Variants in ACAP2 observed in about 807,000 individuals in gnomAD.
The protein encoded by ACAP2 is ArfGAP with coiled-coil, ankyrin repeat and PH domains 2, also known as arf-GAP with coiled-coil, ANK repeat and PH domain-containing protein 2.
In ACAP2, 39 loss-of-function variants were observed where a neutral mutation model predicts 115.8. The ratio of observed to expected loss-of-function variants is 0.34; its 90% CI spans 0.26 to 0.44. ACAP2 has a LOEUF of 0.44. Ranked by LOEUF, ACAP2 falls within the 20% of genes least tolerant of loss-of-function variation. The pLI is 1.00. For missense variants in ACAP2, 662 were observed against 927.6 expected (o/e 0.71, Z 3.72); for synonymous variants, 289 against 315.8 (o/e 0.92, Z 0.90).
rs576255760 is a variant in ACAP2, at chr3:195,442,977, G to T, written c.-130C>A. On this transcript the variant is annotated 5_prime_UTR_variant, in exon 1 of 23. Transcript: ENST00000326793. The stretch of plus-strand genomic sequence containing the variant: ...TGCGCGGAGCTGCGAAGGGCGCCTC[G>T]CCCGCTGGTCATAGCAGCCGCGAAG... 1.1e-3 allele frequency: 903 copies of T among 795,230 alleles called. 1 individual carries two copies. The highest frequency in any genetic ancestry group is 1.4e-3 in the Non-Finnish European group (759 of 542,734). 49.3% of individuals were successfully genotyped at this position (795,230 alleles called of 1,614,324 possible). A position where few individuals can be genotyped will look rare whatever the true frequency, so the allele number is the denominator to read the frequency against.
At chr3:195,402,332 C>T (rs557523312) in intron 1 of ACAP2, among the ~76,000 whole-genome samples, 1 of 152,144 alleles carries the variant, frequency 6.6e-6, no homozygotes, top group East Asian at 1.9e-4. Flanking sequence ...CTTGCTCCAG[C>T]CTTGTGATTC....
chr3:195,339,224 C>T (rs1730713655), intron 6 of ACAP2, among the ~76,000 whole-genome samples: 1 of 152,074 alleles, frequency 6.6e-6, no homozygotes, highest in Admixed American at 6.5e-5. Flanking sequence ...CAGCAAGACT[C>T]CTTCTCAAAA....
At chr3:195,439,191 C>CTTTTTT (rs3072388) in intron 1 of ACAP2, among the ~76,000 whole-genome samples, 1 of 133,278 alleles carries the variant, frequency 7.5e-6, no homozygotes, top group Non-Finnish European at 1.6e-5. Context: ...AGGCTAAGGC[C>CTTTTTT]TTTTTTTTTT....
chr3:195,343,560 G>A (rs1366373068), intron 5 of ACAP2, among the ~76,000 whole-genome samples: 1 of 152,132 alleles, frequency 6.6e-6, no homozygotes, highest in African/African-American at 2.4e-5. Context: ...TCAAGCAGCT[G>A]GGACGACAGG....
intron 5 of ACAP2, among the ~76,000 whole-genome samples, chr3:195,344,690 T>C (rs1460532993): frequency 6.6e-6 from 1 of 152,038 alleles, no homozygotes; most frequent in Non-Finnish European, 1.5e-5. Flanking sequence ...CCCGCTAATT[T>C]TGTATTTTTA....
At chr3:195,314,196 GTTGT>G (rs1223379151) in intron 10 of ACAP2, among the ~76,000 whole-genome samples, 1 of 112,154 alleles carries the variant, frequency 8.9e-6, no homozygotes, top group African/African-American at 3.5e-5. Flanking sequence ...AGAAAATTTT[GTTGT>G]TTTTTTTTTT....
intron 17 of ACAP2, 58 bp from the exon 18 acceptor site, chr3:195,294,869 C>T: frequency 8.8e-7 from 1 of 1,135,788 alleles, no homozygotes. Flanking sequence ...AAAACAATCT[C>T]CCACAAACAA....
chr3:195,390,843 TTAAAGAGAAACATG>T (rs1734622144), intron 2 of ACAP2, among the ~76,000 whole-genome samples: 1 of 152,168 alleles, frequency 6.6e-6, no homozygotes, highest in Non-Finnish European at 1.5e-5. Flanking sequence ...CTCCAGAAAT[TTAAAGAGAAACATG>T]TAAATGAGCA....
At chr3:195,374,613 G>A (rs1180227574) in intron 4 of ACAP2, among the ~76,000 whole-genome samples, 1 of 152,200 alleles carries the variant, frequency 6.6e-6, no homozygotes, top group East Asian at 1.9e-4. Flanking sequence ...TATATAGGCA[G>A]TTTCTCGTCA....
chr3:195,381,856 T>A, intron 3 of ACAP2, 47 bp downstream of exon 3: 3 of 1,561,828 alleles, frequency 1.9e-6, no homozygotes, highest in Non-Finnish European at 2.6e-6. Flanking sequence ...TTTAATGTCT[T>A]ATTGCTTTTT....
In ACAP2 at chr3:195,277,053, G is replaced by A. The variant is rs1726210312; in HGVS notation, c.*2275C>T. ...TTAACAATTCATCACGTAAGCCACAGGAGGCAAGAGTCTCATAAGGAATTG... is the reference window on the plus strand; with the variant it reads ...TTAACAATTCATCACGTAAGCCACAAGAGGCAAGAGTCTCATAAGGAATTG... On this transcript the variant is annotated 3_prime_UTR_variant, in exon 23 of 23. Coordinates refer to ENST00000326793, the MANE Select transcript of ACAP2 (RefSeq NM_012287.6). The A allele has an allele frequency of 6.6e-6, 1 of 152,100 alleles. No individual in the cohort carries two copies. Among genetic ancestry groups the A allele is most frequent in the Non-Finnish European group, 1.5e-5 (1 of 68,018 alleles). 9.4% of individuals were successfully genotyped at this position (152,100 alleles called of 1,614,324 possible).
intron 1 of ACAP2, among the ~76,000 whole-genome samples, chr3:195,406,514 A>G (rs1364755436): frequency 2.6e-5 from 4 of 152,174 alleles, no homozygotes; most frequent in African/African-American, 9.7e-5. Flanking sequence ...TAAATAACAG[A>G]AAACTATTCA....
At chr3:195,427,106 T>C (rs1295782227) in intron 1 of ACAP2, among the ~76,000 whole-genome samples, 1 of 151,950 alleles carries the variant, frequency 6.6e-6, no homozygotes, top group Non-Finnish European at 1.5e-5. Context: ...AAGAGGAGGA[T>C]AGAAGAGGGA....
intron 9 of ACAP2, chr3:195,325,381 G>C: frequency 2.4e-6 from 1 of 423,372 alleles, no homozygotes; most frequent in Non-Finnish European, 4.6e-6. Context: ...ATAACTACAG[G>C]AGACATACTT....
chr3:195,386,029 G>C (rs2108760670), intron 2 of ACAP2, among the ~76,000 whole-genome samples: 1 of 152,222 alleles, frequency 6.6e-6, no homozygotes, highest in Admixed American at 6.5e-5. Flanking sequence ...AACAAAATGA[G>C]GTACATCCAT....
intron 4 of ACAP2, among the ~76,000 whole-genome samples, chr3:195,377,513 G>A (rs1375532077): frequency 6.6e-6 from 1 of 152,122 alleles, no homozygotes; most frequent in Admixed American, 6.6e-5. Flanking sequence ...TGTAACTACT[G>A]GGAGTATAAC....
intron 4 of ACAP2, among the ~76,000 whole-genome samples, chr3:195,372,069 A>G (rs1329126969): frequency 6.6e-6 from 1 of 152,212 alleles, no homozygotes; most frequent in East Asian, 1.9e-4. Flanking sequence ...GCAAACACAA[A>G]ATAAGACACA....
chr3:195,313,262 A>T (rs1328093921), intron 10 of ACAP2, among the ~76,000 whole-genome samples: 2 of 152,218 alleles, frequency 1.3e-5, no homozygotes, highest in Non-Finnish European at 1.5e-5. Context: ...TTCTGGTAGG[A>T]TTTAGCATAC....
At chr3:195,318,899 C>G (rs1264074726) in intron 10 of ACAP2, among the ~76,000 whole-genome samples, 1 of 152,196 alleles carries the variant, frequency 6.6e-6, no homozygotes, top group Non-Finnish European at 1.5e-5. Context: ...GTCTCCAGGG[C>G]ATGTAAGAAA....
Sources: allele counts gnomAD v4.1 joint callset (sites outside exome capture counted in the v4.1 genomes callset), GRCh38; gene constraint gnomAD v4.1.1; transcripts MANE v1.5; gene names NCBI Gene and HGNC (gene_info 2026-07-23, HGNC 2026-07-21).